The following TBC1D4 variants were observed in gnomAD, a reference collection of about 807,000 sequenced individuals.
TBC1D4 encodes TBC1 domain family member 4, also known as TBC (Tre-2, BUB2, CDC16) domain-containing protein.
TBC1D4 carries 121 observed loss-of-function variants against 142.5 expected under a neutral mutation model. That is an observed-to-expected ratio of 0.85 (90% CI 0.73 to 0.99). TBC1D4 has a LOEUF of 0.99. Ranked by LOEUF, TBC1D4 falls within the 50% of genes least tolerant of loss-of-function variation. The pLI, the probability that TBC1D4 is intolerant of heterozygous loss-of-function variation, is 0.00. For missense variants in TBC1D4, 1,475 were observed against 1,606.6 expected, an observed-to-expected ratio of 0.92 and a Z score of 1.40; for synonymous variants, 630 against 628.2, an observed-to-expected ratio of 1.00 and a Z score of -0.04.
At chr13:75,440,384 G>A (rs1886983833) in intron 1 of TBC1D4, among the ~76,000 whole-genome samples, 1 of 151,876 alleles carries the variant, frequency 6.6e-6, no homozygotes, top group Non-Finnish European at 1.5e-5. Flanking sequence ...AGAAAACAGA[G>A]GAGGGTTTTA....
chr13:75,472,279 T>C (rs1190567212), intron 1 of TBC1D4, among the ~76,000 whole-genome samples: 3 of 143,850 alleles, frequency 2.1e-5, no homozygotes, highest in East Asian at 2.1e-4. Context: ...ATTAGCTGGG[T>C]GTGCTGGCAG....
chr13:75,370,140 A>G (rs575811048), intron 1 of TBC1D4, among the ~76,000 whole-genome samples: 1 of 152,350 alleles, frequency 6.6e-6, no homozygotes, highest in African/African-American at 2.4e-5. Context: ...CAGACAGAAC[A>G]TCAAGTACTA....
chr13:75,324,147 C>T (rs1879015409), intron 11 of TBC1D4, 90 bp downstream of exon 11: 5 of 1,450,952 alleles, frequency 3.4e-6, no homozygotes, highest in African/African-American at 1.4e-5. Flanking sequence ...GCATAAATGT[C>T]ACTCCAAAAT....
At chr13:75,313,187 G>A (rs1186941801) in intron 12 of TBC1D4, among the ~76,000 whole-genome samples, 1 of 152,238 alleles carries the variant, frequency 6.6e-6, no homozygotes, top group Non-Finnish European at 1.5e-5. Flanking sequence ...CTTATAAGGA[G>A]GAGTACAGGT....
Position 75,359,857 on chromosome 13 carries a change from A to G in TBC1D4, c.1082T>C (p.Val361Ala), listed in dbSNP as rs753253014. Residue 361 changes from valine (V) to alanine (A), a missense_variant and splice_region_variant, in exon 3 of 21, where the codon GTT becomes GCT. This residue lies in a region of TBC1D4 where 1,227 missense variants were observed against 1,267.7 expected (regional missense o/e 0.97). Coordinates refer to ENST00000377636, the MANE Select transcript of TBC1D4 (RefSeq NM_014832.5). ...SEKNRTMLFQ[V>A]GRFEINLISP... is the part of the protein sequence containing the mutation. ...GATAAGGTTAATCTCAAATCGCCCA[A>G]CCTTAAAAATAAAAGCATTCCAATT... is the stretch of plus-strand genomic sequence containing the variant. The G allele has an allele frequency of 1.9e-5, 31 of 1,613,046 alleles. 1 individual carries two copies. Among genetic ancestry groups the G allele is most frequent in the South Asian group, 1.1e-4 (10 of 91,028 alleles).
Position 75,326,196 on chromosome 13 carries a change from C to T in TBC1D4, c.2033+1G>A. On this transcript the variant is annotated splice_donor_variant, in intron 10 of 20. Transcript: ENST00000377636. LOFTEE classifies it high-confidence loss of function. ...CTCATTCTGGAGAGGGTCAGACTCA[C>T]CTGCACTGTTCACTGGAGCTCTGCC... The T allele has an allele frequency of 2.5e-6, 4 of 1,614,094 alleles. No homozygotes were observed. The highest frequency in any genetic ancestry group is 3.4e-6 in the Non-Finnish European group (4 of 1,180,014).
At chr13:75,428,850 T>C (rs776454196) in intron 1 of TBC1D4, among the ~76,000 whole-genome samples, 4 of 152,154 alleles carry the variant, frequency 2.6e-5, no homozygotes, top group Admixed American at 2.0e-4. Context: ...TCATCACACA[T>C]TTCATAGGCT....
rs547219990 is a variant in TBC1D4, at chr13:75,300,139, G to A, written c.2912-565C>T. Among the ~76,000 whole-genome samples, 153 of 152,122 alleles carry A rather than the reference G, an allele frequency of 1.0e-3. 1 individual carries two copies. The highest frequency in any genetic ancestry group is 3.3e-3 in the African/African-American group (137 of 41,512). The stretch of plus-strand genomic sequence containing the variant: ...AAAACTGCTTTTTCAACTATCGTTC[G>A]CTCTCTGCTCTTAAAATACCTCCAT... On this transcript the variant is annotated intron_variant, in intron 16 of 20. Transcript: ENST00000377636.
chr13:75,431,729 C>T (rs2138162025), intron 1 of TBC1D4, among the ~76,000 whole-genome samples: 1 of 152,236 alleles, frequency 6.6e-6, no homozygotes, highest in East Asian at 1.9e-4. Context: ...CAAATCATTG[C>T]CTTTTCACTG....
chr13:75,346,618 G>T (rs1881172146), intron 5 of TBC1D4, among the ~76,000 whole-genome samples: 2 of 152,166 alleles, frequency 1.3e-5, no homozygotes, highest in Admixed American at 1.3e-4. Context: ...ACGTGTGCAT[G>T]TGTCTTTAGA....
chr13:75,303,038 C>A (rs1039647911), intron 15 of TBC1D4, among the ~76,000 whole-genome samples: 6 of 152,140 alleles, frequency 3.9e-5, no homozygotes, highest in Non-Finnish European at 7.3e-5. Context: ...AAAGAATAGG[C>A]CAGGTACGGT....
chr13:75,300,246 C>T (rs1876390421), intron 16 of TBC1D4, among the ~76,000 whole-genome samples: 1 of 151,796 alleles, frequency 6.6e-6, no homozygotes, highest in African/African-American at 2.4e-5. Flanking sequence ...AAATAAATTC[C>T]CCTCTAAAAT....
intron 1 of TBC1D4, among the ~76,000 whole-genome samples, chr13:75,377,938 A>G (rs1240447267): frequency 6.6e-6 from 1 of 151,916 alleles, no homozygotes; most frequent in Non-Finnish European, 1.5e-5. Context: ...AATTGCTACA[A>G]ATTATTTATT....
intron 15 of TBC1D4, among the ~76,000 whole-genome samples, chr13:75,303,813 C>T (rs576669777): frequency 9.6e-4 from 146 of 152,308 alleles, no homozygotes; most frequent in African/African-American, 3.4e-3. Flanking sequence ...GTATACTAGA[C>T]GCTTGTGGTT....
At chr13:75,346,710 G>C (rs573981793) in intron 5 of TBC1D4, among the ~76,000 whole-genome samples, 1 of 152,206 alleles carries the variant, frequency 6.6e-6, no homozygotes, top group East Asian at 1.9e-4. Context: ...CTAGACCCTT[G>C]AGGAATTGCC....
chr13:75,299,152 A>G (rs1202489041), intron 17 of TBC1D4, among the ~76,000 whole-genome samples, 178 bp downstream of exon 17: 1 of 152,234 alleles, frequency 6.6e-6, no homozygotes, highest in Non-Finnish European at 1.5e-5. Flanking sequence ...TCATACACTT[A>G]GAAGTTTACC....
At chr13:75,413,104 T>C (rs147941309) in intron 1 of TBC1D4, among the ~76,000 whole-genome samples, 2 of 151,912 alleles carry the variant, frequency 1.3e-5, no homozygotes, top group Non-Finnish European at 2.9e-5. Flanking sequence ...TCGGAGCACA[T>C]AAAGGGGAGG....
intron 1 of TBC1D4, among the ~76,000 whole-genome samples, chr13:75,477,422 C>A (rs1475165176): frequency 2.0e-5 from 3 of 152,118 alleles, no homozygotes; most frequent in Non-Finnish European, 4.4e-5. Context: ...TCTTTAAAAT[C>A]ATTCTTGCAA....
chr13:75,329,563 A>G (rs1267688468), intron 8 of TBC1D4, among the ~76,000 whole-genome samples: 1 of 151,806 alleles, frequency 6.6e-6, no homozygotes, highest in African/African-American at 2.4e-5. Flanking sequence ...TTCCTTCACT[A>G]TCAACCTAGA....
Sources: gnomAD v4.1 joint callset for allele counts (sites outside exome capture counted in the v4.1 genomes callset) on GRCh38, gnomAD v4.1.1 for gene constraint, gnomAD v4.1.1 regional missense constraint, MANE v1.5 for transcripts, NCBI Gene and HGNC (gene_info 2026-07-23, HGNC 2026-07-21) for gene names.